Variants in CARMIL3 observed in about 807,000 individuals in gnomAD.
CARMIL3 encodes capping protein, Arp2/3 and myosin-I linker protein 3.
Under a neutral mutation model 180.8 loss-of-function variants are expected in CARMIL3, and 88 were observed. The observed-to-expected ratio is 0.49, with a 90% CI of 0.41 to 0.58. The LOEUF is 0.58. CARMIL3 is among the 20% of genes least tolerant of loss of function. The probability of loss-of-function intolerance (pLI) is 0.00; values close to 1 mark genes in which losing one functional copy is unlikely to be tolerated. For synonymous variants in CARMIL3, 696 were observed against 714.5 expected (o/e 0.97, Z 0.41); for missense variants, 1,548 against 1,787.0 (o/e 0.87, Z 2.41).
Position 24,061,258 on chromosome 14 carries a change from C to A in CARMIL3, c.2304+218C>A. 1.6e-6 allele frequency: 1 copy of A among 631,046 alleles called. No individual in the cohort carries two copies. The allele number at this position is 631,046 out of a possible 1,614,324, so 39.1% of individuals were successfully genotyped here. The stretch of plus-strand genomic sequence containing the variant: ...TGTTGGTCCCTGAACTCTGACCTCC[C>A]TGCTCTGGATTTGGATCCTTGGACT... On this transcript the variant is annotated intron_variant, in intron 26 of 39. Coordinates refer to ENST00000342740, the MANE Select transcript of CARMIL3 (RefSeq NM_138360.4). This position sits in a 1 kb window ranked among gnomAD's most constrained non-coding sequence, Gnocchi z 4.1.
chr14:24,062,162 A>G, intron 27 of CARMIL3: 1 of 460,726 alleles, frequency 2.2e-6, no homozygotes, highest in Non-Finnish European at 4.0e-6. Flanking sequence ...GGGTTTAGTT[A>G]CTCAGCACCC....
At chr14:24,066,760 G>A in intron 36 of CARMIL3, 104 bp downstream of exon 36, 1 of 1,202,638 alleles carries the variant, frequency 8.3e-7, no homozygotes, top group Non-Finnish European at 1.2e-6. Context: ...GCCAAGGTGG[G>A]GCAGTGAGAA....
At chr14:24,069,282 A>T in intron 39 of CARMIL3, 35 bp downstream of exon 39, 1 of 1,612,042 alleles carries the variant, frequency 6.2e-7, no homozygotes, top group Non-Finnish European at 8.5e-7. Flanking sequence ...CCCCCTTCCC[A>T]CCTATCTGTC....
At position 24,056,348 on chromosome 14, in the gene CARMIL3, G is replaced by A; in HGVS notation, c.820G>A (p.Val274Met). 6.2e-7 allele frequency: 1 copy of A among 1,614,006 alleles called. No homozygotes were observed. Among genetic ancestry groups the A allele is most frequent in the Non-Finnish European group, 8.5e-7 (1 of 1,179,922 alleles). ...AGVFGENGSCVLHALTLSHNP... is the reference protein window; with the variant it reads ...AGVFGENGSCMLHALTLSHNP... ...GGTGTTTGGGGAGAACGGGAGCTGT[G>A]TGCTGCATGCCCTCACTCTGTCCCA... The change falls in exon 11 of 40, where the codon GTG (valine) becomes ATG (methionine). Residue 274 changes from valine (V) to methionine (M), a missense_variant. Coordinates refer to ENST00000342740, the MANE Select transcript of CARMIL3 (RefSeq NM_138360.4).
Position 24,055,710 on chromosome 14 carries a change from G to A in CARMIL3, c.691G>A (p.Val231Met). 6.2e-7 allele frequency: 1 copy of A among 1,614,160 alleles called. No individual in the cohort carries two copies. The highest frequency in any genetic ancestry group is 1.1e-5 in the South Asian group (1 of 91,088). The change falls in exon 10 of 40, where the codon GTG becomes ATG. Residue 231 changes from valine to methionine, a missense_variant. Coordinates refer to ENST00000342740, the MANE Select transcript of CARMIL3 (RefSeq NM_138360.4). ...CCCCCTCTGTCCTCAGGGCTCTGAA[G>A]TGCTAGAACAGGTGCTACATACCCT... The part of the protein sequence containing the change: ...YCKDLRLGSE[V>M]LEQVLHTLSK...
At position 24,061,325 on chromosome 14, in the gene CARMIL3, C is replaced by G. The variant is rs2035731141; in HGVS notation, c.2305-172C>G. The G allele has an allele frequency of 4.3e-6, 3 of 697,600 alleles. No homozygotes were observed. In the East Asian group the frequency reaches 8.2e-5, roughly 19 times the overall value. 43.2% of individuals were successfully genotyped at this position (697,600 alleles called of 1,614,324 possible). On this transcript the variant is annotated intron_variant, in intron 26 of 39. Transcript: ENST00000342740. The surrounding 1 kb of genome is among the most constrained non-coding windows in gnomAD (Gnocchi z 4.1). Reference sequence around the variant, plus strand: ...ATGGTAGGGTGGAAGGAGCACTGACCAGAAAGTGGGGAAGCCTTAGTGTCC... The same window carrying G: ...ATGGTAGGGTGGAAGGAGCACTGACGAGAAAGTGGGGAAGCCTTAGTGTCC...
rs1218006243 is a variant in CARMIL3 at position 24,054,965 on chromosome 14, C to G, written c.461-101C>G. The G allele has an allele frequency of 9.0e-6, 13 of 1,447,284 alleles. No individual in the cohort carries two copies. The highest frequency in any genetic ancestry group is 1.2e-5 in the Non-Finnish European group (13 of 1,040,314). 89.7% of individuals were successfully genotyped at this position (1,447,284 alleles called of 1,614,324 possible). Reference sequence around the variant, plus strand: ...AGGAAGTTCATGGCATAGCAAGAACCAAGAGCACTGGCACATAAAGTGACC... The same window carrying G: ...AGGAAGTTCATGGCATAGCAAGAACGAAGAGCACTGGCACATAAAGTGACC... On this transcript the variant is annotated intron_variant, in intron 6 of 39. Coordinates refer to ENST00000342740, the MANE Select transcript of CARMIL3 (RefSeq NM_138360.4). The surrounding 1 kb of genome is among the most constrained non-coding windows in gnomAD (Gnocchi z 5.1).
chr14:24,065,006 G>A lies in CARMIL3; in HGVS notation c.3129G>A (p.Pro1043=), dbSNP rs780873026. ...RTVRPGLSEA[P]LPPLQKKRRR... Reference sequence around the variant, plus strand: ...TGCGGCCAGGACTCTCGGAGGCACCGCTGCCTCCACTCCAGAAGAAGAGGC... The same window carrying A: ...TGCGGCCAGGACTCTCGGAGGCACCACTGCCTCCACTCCAGAAGAAGAGGC... Residue 1043 remains proline, a synonymous_variant, in exon 33 of 40, where the codon CCG becomes CCA. Transcript: ENST00000342740. The A allele has an allele frequency of 3.8e-5, 61 of 1,611,602 alleles. No individual in the cohort carries two copies. The highest frequency in any genetic ancestry group is 4.5e-5 in the East Asian group (2 of 44,800).
intron 29 of CARMIL3, 120 bp from the exon 30 acceptor site, chr14:24,063,000 C>A: frequency 1.3e-6 from 2 of 1,538,870 alleles, no homozygotes; most frequent in Non-Finnish European, 1.8e-6. Context: ...CCTCTTCCCT[C>A]ATCCCAGTGC....
Position 24,061,812 on chromosome 14 carries a change from C to T in CARMIL3, c.2480+140C>T, listed in dbSNP as rs1437021353. Reference sequence around the variant, plus strand: ...GGATCAATCTTTAACCAAGTGCAACCTTGCTATTTAGGGTCTGGCTGGTCT... The same window carrying T: ...GGATCAATCTTTAACCAAGTGCAACTTTGCTATTTAGGGTCTGGCTGGTCT... On this transcript the variant is annotated intron_variant, in intron 27 of 39. Coordinates refer to ENST00000342740, the MANE Select transcript of CARMIL3 (RefSeq NM_138360.4). This position sits in a 1 kb window ranked among gnomAD's most constrained non-coding sequence, Gnocchi z 4.1. 2 of 1,027,192 alleles carry T rather than the reference C, an allele frequency of 1.9e-6. No individual in the cohort carries two copies. The highest frequency in any genetic ancestry group is 2.8e-6 in the Non-Finnish European group (2 of 725,596). 63.6% of individuals were successfully genotyped at this position (1,027,192 alleles called of 1,614,324 possible).
chr14:24,055,688 C>G lies in CARMIL3; in HGVS notation c.682-13C>G, dbSNP rs781684401. On this transcript the variant is annotated splice_polypyrimidine_tract_variant and intron_variant, in intron 9 of 39. Coordinates refer to ENST00000342740, the MANE Select transcript of CARMIL3 (RefSeq NM_138360.4). ...CCTTGGCCCCTGATCACAAGACCCCCCTCTGTCCTCAGGGCTCTGAAGTGC... is the reference window on the plus strand; with the variant it reads ...CCTTGGCCCCTGATCACAAGACCCCGCTCTGTCCTCAGGGCTCTGAAGTGC... The G allele has an allele frequency of 1.2e-6, 2 of 1,614,078 alleles. No individual in the cohort carries two copies. Among genetic ancestry groups the G allele is most frequent in the Admixed American group, 1.7e-5 (1 of 60,018 alleles).
Position 24,062,379 on chromosome 14 carries a change from C to A in CARMIL3, c.2481-101C>A, listed in dbSNP as rs570652533. The A allele has an allele frequency of 5.6e-4, 607 of 1,074,982 alleles. 3 individuals are homozygous for A. Among genetic ancestry groups the A allele is most frequent in the African/African-American group, 2.6e-3 (170 of 64,370 alleles). The allele number at this position is 1,074,982 out of a possible 1,614,324, so 66.6% of individuals were successfully genotyped here. A position where few individuals can be genotyped will look rare whatever the true frequency, so the allele number is the denominator to read the frequency against. On this transcript the variant is annotated intron_variant, in intron 27 of 39. Coordinates refer to ENST00000342740, the MANE Select transcript of CARMIL3 (RefSeq NM_138360.4). ...CGCTCCATGGGCAGACAGACCAGGC[C>A]AGCTGGCCGTTCTCTCAGGCTTCTG...
Position 24,058,668 on chromosome 14 carries a change from T to G in CARMIL3, c.1393-12T>G, listed in dbSNP as rs2035699256. 2 of 1,611,136 alleles carry G rather than the reference T, an allele frequency of 1.2e-6. No individual in the cohort carries two copies. On this transcript the variant is annotated splice_polypyrimidine_tract_variant and intron_variant, in intron 17 of 39. Transcript: ENST00000342740. This position sits in a 1 kb window ranked among gnomAD's most constrained non-coding sequence, Gnocchi z 6.4. ...CAACCCCTGCCTTCCCTACCTCACCTTGTCCCTGCAGCTCCGTTCAGCGGG... is the reference window on the plus strand; with the variant it reads ...CAACCCCTGCCTTCCCTACCTCACCGTGTCCCTGCAGCTCCGTTCAGCGGG...
chr14:24,069,427 A>G lies in CARMIL3; in HGVS notation c.*23A>G. The G allele has an allele frequency of 6.2e-7, 1 of 1,614,088 alleles. No homozygotes were observed. Among genetic ancestry groups the G allele is most frequent in the Non-Finnish European group, 8.5e-7 (1 of 1,179,980 alleles). ...TGACAACTGCCACAACACCCTCCTC[A>G]GCCCTCGACATGTGCCTCGCAAGGA... On this transcript the variant is annotated 3_prime_UTR_variant, in exon 40 of 40. Transcript: ENST00000342740.
At position 24,068,666 on chromosome 14, in the gene CARMIL3, C is replaced by T. The variant is rs1244789214; in HGVS notation, c.3765C>T (p.Leu1255=). Residue 1255 remains leucine (L), a synonymous_variant, in exon 37 of 40, where the codon CTC becomes CTT. Transcript: ENST00000342740. ...GGGAAGAGGAGAAGGAGGGGACCCT[C>T]TTCCCAGAGAGGACACTTCCAGCTA... ...QDGEEEKEGT[L]FPERTLPARN... The T allele has an allele frequency of 1.2e-6, 2 of 1,613,856 alleles. No individual in the cohort carries two copies. The highest frequency in any genetic ancestry group is 1.7e-6 in the Non-Finnish European group (2 of 1,179,948).
rs372473365 is a variant in CARMIL3 at position 24,057,874 on chromosome 14, C to T, written c.1212C>T (p.Ser404=). ...TCAACCTGGCTCGCAACAGCTGCTCCCACAGGTGGGAGAGGAGGGGGAAGG... is the reference window on the plus strand; with the variant it reads ...TCAACCTGGCTCGCAACAGCTGCTCTCACAGGTGGGAGAGGAGGGGGAAGG... ...TYLNLARNSC[S]HRKGREAPPA... Residue 404 remains serine (S), a synonymous_variant, in exon 15 of 40, where the codon TCC becomes TCT. Coordinates refer to ENST00000342740, the MANE Select transcript of CARMIL3 (RefSeq NM_138360.4). 5.0e-5 allele frequency: 80 copies of T among 1,612,854 alleles called. No individual in the cohort carries two copies. Among genetic ancestry groups the T allele is most frequent in the Non-Finnish European group, 6.4e-5 (76 of 1,179,952 alleles).
chr14:24,060,044 C>T lies in CARMIL3; in HGVS notation c.1943C>T (p.Thr648Ile), dbSNP rs1423002356. Residue 648 changes from threonine to isoleucine, a missense_variant, in exon 23 of 40, where the codon ACC (threonine) becomes ATC (isoleucine). This residue lies in a region of CARMIL3 where 297 missense variants were observed against 415.9 expected (regional missense o/e 0.71). Coordinates refer to ENST00000342740, the MANE Select transcript of CARMIL3 (RefSeq NM_138360.4). ...GCCTATCGCAGCGCGCCTGAGCGCA[C>T]CGAGGACGTCTGGCAGAAGGTGCAG... ...SQAYRSAPER[T>I]EDVWQKIQWC... The T allele has an allele frequency of 6.2e-7, 1 of 1,613,946 alleles. No individual in the cohort carries two copies. The highest frequency in any genetic ancestry group is 2.2e-5 in the East Asian group (1 of 44,876).
At position 24,061,151 on chromosome 14, in the gene CARMIL3, G is replaced by A. The variant is rs2035728881; in HGVS notation, c.2304+111G>A. ...GACTTCTGGAGGGCCAGGAGGACAT[G>A]CAGAGTTGAGACCACCCACGCTCCC... On this transcript the variant is annotated intron_variant, in intron 26 of 39. Coordinates refer to ENST00000342740, the MANE Select transcript of CARMIL3 (RefSeq NM_138360.4). The surrounding 1 kb of genome is among the most constrained non-coding windows in gnomAD (Gnocchi z 4.1). 2 of 941,460 alleles carry A rather than the reference G, an allele frequency of 2.1e-6. No individual in the cohort carries two copies. Among genetic ancestry groups the A allele is most frequent in the South Asian group, 1.6e-5 (1 of 63,960 alleles). 58.3% of individuals were successfully genotyped at this position (941,460 alleles called of 1,614,324 possible). A position where few individuals can be genotyped will look rare whatever the true frequency, so the allele number is the denominator to read the frequency against.
intron 32 of CARMIL3, among the ~76,000 whole-genome samples, chr14:24,064,568 C>T (rs2035766026): frequency 1.3e-5 from 2 of 152,152 alleles, no homozygotes; most frequent in Admixed American, 1.3e-4. Flanking sequence ...GAGTGAACCA[C>T]CACAGTGGGG....
Sources: gnomAD v4.1 joint callset for allele counts (sites outside exome capture counted in the v4.1 genomes callset) on GRCh38, gnomAD v4.1.1 for gene constraint, gnomAD v4.1.1 regional missense constraint, Gnocchi (gnomAD v3.1) non-coding constraint, MANE v1.5 for transcripts, NCBI Gene and HGNC (gene_info 2026-07-23, HGNC 2026-07-21) for gene names.